SULF2: variants seen among roughly 807,000 people sequenced by gnomAD.
SULF2 encodes sulfatase 2, also known as extracellular sulfatase Sulf-2.
In SULF2, 52 loss-of-function variants were observed where a neutral mutation model predicts 107.7. The observed-to-expected ratio is 0.48, with a 90% CI of 0.39 to 0.61. The LOEUF (loss-of-function observed/expected upper bound fraction) is 0.61. Ranked by LOEUF, SULF2 falls within the 20% of genes least tolerant of loss-of-function variation. SULF2 has a pLI of 0.00. For missense variants in SULF2, 993 were observed against 1,177.3 expected (o/e 0.84, Z 2.29); for synonymous variants, 460 against 464.3 (o/e 0.99, Z 0.12).
At chr20:47,714,121 CA>C (rs2089026303) in intron 3 of SULF2, among the ~76,000 whole-genome samples, 1 of 152,210 alleles carries the variant, frequency 6.6e-6, no homozygotes, top group Non-Finnish European at 1.5e-5. Context: ...CCGTCCTTCC[CA>C]AAACAGACCC....
chr20:47,771,540 C>CT (rs1390431784), intron 1 of SULF2, among the ~76,000 whole-genome samples: 1 of 152,252 alleles, frequency 6.6e-6, no homozygotes, highest in African/African-American at 2.4e-5. Context: ...TCCCCCAGCT[C>CT]TTCCCTTCTG....
At chr20:47,762,325 C>A (rs1372714856) in intron 1 of SULF2, among the ~76,000 whole-genome samples, 1 of 152,216 alleles carries the variant, frequency 6.6e-6, no homozygotes, top group Non-Finnish European at 1.5e-5. Flanking sequence ...CTACAAATAG[C>A]AACTCTCTGA....
At chr20:47,697,561 G>A (rs2088423630) in intron 4 of SULF2, among the ~76,000 whole-genome samples, 1 of 152,158 alleles carries the variant, frequency 6.6e-6, no homozygotes, top group African/African-American at 2.4e-5. Context: ...GCTGCCCACT[G>A]CTACCCTCAG....
chr20:47,690,397 T>C lies in SULF2; in HGVS notation c.568-102A>G, dbSNP rs2088157975. ...CTGCTAGGCACTGGGGACACAATAG[T>C]GAACAAAACAATTTCTGCCCTTCTG... On this transcript the variant is annotated intron_variant, in intron 4 of 20. Transcript: ENST00000688720. The C allele has an allele frequency of 4.4e-6, 4 of 912,452 alleles. No individual in the cohort carries two copies. In the Admixed American group the frequency reaches 1.6e-4, roughly 36 times the overall value. The allele number at this position is 912,452 out of a possible 1,614,324, so 56.5% of individuals were successfully genotyped here.
At chr20:47,745,640 T>A (rs897719282) in intron 2 of SULF2, among the ~76,000 whole-genome samples, 1 of 151,724 alleles carries the variant, frequency 6.6e-6, no homozygotes, top group African/African-American at 2.4e-5. Context: ...GTGATTCTCC[T>A]GCCTCAGCCT....
intron 2 of SULF2, among the ~76,000 whole-genome samples, chr20:47,745,432 T>A (rs1254711723): frequency 4.3e-4 from 3 of 6,898 alleles, no homozygotes; most frequent in African/African-American, 2.1e-3. Flanking sequence ...TATATATATA[T>A]ATATATATAT....
intron 6 of SULF2, among the ~76,000 whole-genome samples, chr20:47,683,929 G>A (rs1383875819): frequency 6.6e-6 from 1 of 152,266 alleles, no homozygotes; most frequent in African/African-American, 2.4e-5. Flanking sequence ...TTTATAGGAA[G>A]TGTGCAGAAC....
chr20:47,764,468 A>C (rs1226095351), intron 1 of SULF2, among the ~76,000 whole-genome samples: 1 of 152,138 alleles, frequency 6.6e-6, no homozygotes, highest in African/African-American at 2.4e-5. Context: ...ATATGGTTTG[A>C]CTGCAGGGCA....
At chr20:47,736,059 G>C (rs1340033723) in intron 3 of SULF2, among the ~76,000 whole-genome samples, 2 of 152,144 alleles carry the variant, frequency 1.3e-5, no homozygotes, top group Non-Finnish European at 2.9e-5. Flanking sequence ...TTGCAATGGC[G>C]CTACAGGTAA....
chr20:47,722,203 T>C (rs1006719072), intron 3 of SULF2, among the ~76,000 whole-genome samples: 1 of 152,320 alleles, frequency 6.6e-6, no homozygotes, highest in South Asian at 2.1e-4. Context: ...TAATCTAAAT[T>C]CCATTTTGTT....
intron 4 of SULF2, among the ~76,000 whole-genome samples, chr20:47,698,760 C>T (rs2088468141): frequency 6.6e-6 from 1 of 152,040 alleles, no homozygotes; most frequent in African/African-American, 2.4e-5. Context: ...GGCTGGGTGC[C>T]ATGGCTCACA....
chr20:47,747,016 T>TACAC lies in SULF2; in HGVS notation c.176-10075_176-10074insGTGT, dbSNP rs1487483656. Among the ~76,000 whole-genome samples the TACAC allele has an allele frequency of 1.2e-3, 94 of 79,034 alleles. 1 individual carries two copies. The highest frequency in any genetic ancestry group is 3.5e-3 in the African/African-American group (89 of 25,654). The allele number at this position is 79,034 out of a possible 152,430, so 51.8% of individuals were successfully genotyped here. ...AAAAATATATATATATATATATATA[T>TACAC]ATACACACACACACACATAAAAAGG... On this transcript the variant is annotated intron_variant, in intron 2 of 20. Transcript: ENST00000688720.
intron 1 of SULF2, among the ~76,000 whole-genome samples, chr20:47,783,244 T>C (rs941657190): frequency 5.3e-5 from 8 of 152,216 alleles, no homozygotes; most frequent in African/African-American, 1.9e-4. Context: ...TCAGAAATGC[T>C]GATATTTTTC....
chr20:47,736,983 C>T, intron 2 of SULF2, 41 bp from the exon 3 acceptor site: 1 of 1,609,386 alleles, frequency 6.2e-7, no homozygotes, highest in Non-Finnish European at 8.5e-7. Context: ...GGCAGGAGAC[C>T]CGGGCGGCAC....
At chr20:47,711,307 C>T (rs534431301) in intron 3 of SULF2, among the ~76,000 whole-genome samples, 1 of 152,344 alleles carries the variant, frequency 6.6e-6, no homozygotes, top group African/African-American at 2.4e-5. Flanking sequence ...GATCTGCCAC[C>T]TCCTAGCTGT....
At position 47,673,485 on chromosome 20, in the gene SULF2, C is replaced by T. The variant is rs535277309; in HGVS notation, c.1381-1092G>A. Among the ~76,000 whole-genome samples the T allele has an allele frequency of 8.7e-4, 132 of 152,234 alleles. 1 individual carries two copies. Among genetic ancestry groups the T allele is most frequent in the Admixed American group, 2.8e-3 (43 of 15,286 alleles). On this transcript the variant is annotated intron_variant, in intron 10 of 20. Transcript: ENST00000688720. ...TAAGGAAAAGTGTGGAGTCTGGTGC[C>T]ACCATCCCCCCCAACCCTCTGCTGC...
intron 3 of SULF2, among the ~76,000 whole-genome samples, chr20:47,733,035 A>T (rs187890110): frequency 3.3e-5 from 5 of 152,320 alleles, no homozygotes; most frequent in Non-Finnish European, 5.9e-5. Flanking sequence ...TCCACTGCAA[A>T]CATGGGGCCA....
Position 47,678,438 on chromosome 20 carries a change from T to G in SULF2, c.1193+238A>C, listed in dbSNP as rs537662284. 6.4e-4 allele frequency: 341 copies of G among 531,402 alleles called. 2 individuals carry two copies. Among genetic ancestry groups the G allele is most frequent in the African/African-American group, 5.7e-3 (304 of 53,040 alleles). 32.9% of individuals were successfully genotyped at this position (531,402 alleles called of 1,614,324 possible). On this transcript the variant is annotated intron_variant, in intron 8 of 20. Coordinates refer to ENST00000688720, the MANE Select transcript of SULF2 (RefSeq NM_001387048.1). The surrounding 1 kb of genome is among the most constrained non-coding windows in gnomAD (Gnocchi z 4.5). Reference sequence around the variant, plus strand: ...CTATCATTTCAAGCTTTGGGTAATTTTAGCTCAGAGAAGGTCCCCAACTGG... The same window carrying G: ...CTATCATTTCAAGCTTTGGGTAATTGTAGCTCAGAGAAGGTCCCCAACTGG...
intron 1 of SULF2, among the ~76,000 whole-genome samples, chr20:47,779,447 C>A (rs890488304): frequency 4.6e-5 from 7 of 152,194 alleles, no homozygotes; most frequent in Non-Finnish European, 8.8e-5. Context: ...ATTGATACCA[C>A]CACGGTCCAA....
Sources: gnomAD v4.1 joint callset for allele counts (sites outside exome capture counted in the v4.1 genomes callset) on GRCh38, gnomAD v4.1.1 for gene constraint, Gnocchi (gnomAD v3.1) non-coding constraint, MANE v1.5 for transcripts, NCBI Gene and HGNC (gene_info 2026-07-23, HGNC 2026-07-21) for gene names.